Variants in LRRC37A3 observed in about 807,000 individuals in gnomAD.
LRRC37A3 encodes leucine-rich repeat-containing protein 37A3.
A neutral mutation model predicts 106.2 loss-of-function variants in LRRC37A3; 25 were observed. The observed-to-expected ratio is 0.24, with a 90% CI of 0.17 to 0.33. The LOEUF is 0.33. LRRC37A3 is among the 10% of genes least tolerant of loss of function. The pLI is 1.00. For missense variants in LRRC37A3, 712 were observed against 1,644.9 expected, an observed-to-expected ratio of 0.43 and a Z score of 9.81; for synonymous variants, 305 against 635.8, an observed-to-expected ratio of 0.48 and a Z score of 7.83.
chr17:64,855,775 C>G (rs1320367122), intron 14 of LRRC37A3, 65 bp downstream of exon 14: 207 of 1,606,308 alleles, frequency 1.3e-4, no homozygotes, highest in Non-Finnish European at 1.7e-4. Flanking sequence ...GCACTCCAGC[C>G]TGGCAACAAG....
chr17:64,915,943 C>T (rs1337095009), intron 2 of LRRC37A3, among the ~76,000 whole-genome samples: 4 of 151,890 alleles, frequency 2.6e-5, no homozygotes, highest in African/African-American at 7.3e-5. Flanking sequence ...ATTAAAAATA[C>T]AAAAATTAGC....
intron 11 of LRRC37A3, among the ~76,000 whole-genome samples, chr17:64,862,483 C>G (rs1972907782): frequency 6.6e-6 from 1 of 151,640 alleles, no homozygotes; most frequent in Non-Finnish European, 1.5e-5. Context: ...AACAGAAAGA[C>G]CAAAACCGTA....
rs1481883510 is a variant in LRRC37A3, at chr17:64,859,629, G to C, written c.4517C>G (p.Ser1506Cys). The change falls in exon 12 of 15, where the codon TCT (serine) becomes TGT (cysteine). Residue 1506 changes from serine (S) to cysteine (C), a missense_variant. Physicochemically the swap from Ser to Cys is moderately radical, Grantham distance 112 (BLOSUM62 -1). Transcript: ENST00000584306. ...HVIRTLKMDC[S>C]GAHVQVTCAK... Reference sequence around the variant, plus strand: ...ACAGGTCACTTGCACATGGGCCCCAGAGCAGTCCATCTTCAAGGTCCGGAT... The same window carrying C: ...ACAGGTCACTTGCACATGGGCCCCACAGCAGTCCATCTTCAAGGTCCGGAT... 15 of 1,613,356 alleles carry C rather than the reference G, an allele frequency of 9.3e-6. No individual in the cohort carries two copies. The highest frequency in any genetic ancestry group is 1.3e-5 in the African/African-American group (1 of 74,618).
In LRRC37A3 at chr17:64,862,898, A is replaced by G; in HGVS notation, c.3172+2T>C. 6.3e-7 allele frequency: 1 copy of G among 1,599,232 alleles called. No individual in the cohort carries two copies. The highest frequency in any genetic ancestry group is 8.5e-7 in the Non-Finnish European group (1 of 1,179,762). ...ATTTATCACCATGCAATTTGGACTC[A>G]CGACAATGTGTGGTGTTTGTCAGAC... On this transcript the variant is annotated splice_donor_variant, in intron 11 of 14. Coordinates refer to ENST00000584306, the MANE Select transcript of LRRC37A3 (RefSeq NM_199340.5). LOFTEE classifies it high-confidence loss of function.
In LRRC37A3 at chr17:64,859,680, T is replaced by C; in HGVS notation, c.4466A>G (p.Asn1489Ser). The C allele has an allele frequency of 6.2e-7, 1 of 1,613,772 alleles. No individual in the cohort carries two copies. Among genetic ancestry groups the C allele is most frequent in the Non-Finnish European group, 8.5e-7 (1 of 1,179,986 alleles). ...AACATGAGCAATGAGCCTTCTCACA[T>C]TGTTGTTGGGGATAACGGACTGCAG... ...QQLQSVIPNN[N>S]VRRLIAHVIR... The change falls in exon 12 of 15, where the codon AAT (asparagine) becomes AGT (serine). Residue 1489 changes from asparagine (N) to serine (S), a missense_variant. Coordinates refer to ENST00000584306, the MANE Select transcript of LRRC37A3 (RefSeq NM_199340.5).
intron 8 of LRRC37A3, among the ~76,000 whole-genome samples, chr17:64,876,110 TCCTC>T (rs1022973919): frequency 3.3e-5 from 5 of 152,146 alleles, no homozygotes; most frequent in African/African-American, 1.2e-4. Context: ...CCTCAAGCAA[TCCTC>T]CTTCCTTGGC....
chr17:64,872,191 C>A (rs1352212122), intron 8 of LRRC37A3, among the ~76,000 whole-genome samples: 29 of 43,512 alleles, frequency 6.7e-4, no homozygotes, highest in Admixed American at 9.5e-4. Flanking sequence ...ATAAAAGCAA[C>A]AAATACCAAA....
chr17:64,877,584 T>C (rs980446932), intron 8 of LRRC37A3, among the ~76,000 whole-genome samples: 1 of 152,208 alleles, frequency 6.6e-6, no homozygotes, highest in Non-Finnish European at 1.5e-5. Flanking sequence ...GGCATTTGGG[T>C]TGATTACATA....
At chr17:64,881,798 G>A (rs899956296) in intron 8 of LRRC37A3, among the ~76,000 whole-genome samples, 8 of 150,640 alleles carry the variant, frequency 5.3e-5, no homozygotes, top group African/African-American at 1.5e-4. Context: ...ACACAGTGCC[G>A]GTGCTCAGCC....
intron 8 of LRRC37A3, among the ~76,000 whole-genome samples, chr17:64,884,516 C>A (rs2947927): frequency 2.7e-5 from 4 of 149,152 alleles, no homozygotes; most frequent in African/African-American, 1.0e-4. Flanking sequence ...CAGTTGCCTG[C>A]CACCATGCCC....
intron 8 of LRRC37A3, among the ~76,000 whole-genome samples, chr17:64,879,834 G>A (rs1973636225): frequency 6.6e-6 from 1 of 152,020 alleles, no homozygotes; most frequent in Admixed American, 6.6e-5. Flanking sequence ...GGAGGCCAAA[G>A]CAGAAGGAGA....
intron 8 of LRRC37A3, among the ~76,000 whole-genome samples, chr17:64,870,081 A>C (rs1598402981): frequency 2.1e-5 from 3 of 140,280 alleles, no homozygotes; most frequent in South Asian, 4.5e-4. Context: ...GGCAGAGACC[A>C]CATTTTTTTT....
intron 2 of LRRC37A3, among the ~76,000 whole-genome samples, chr17:64,910,637 CTTT>C (rs926231139): frequency 7.3e-5 from 7 of 96,456 alleles, no homozygotes; most frequent in African/African-American, 1.3e-4. Flanking sequence ...ATTGTCCCCC[CTTT>C]TTTTTTTTTT....
chr17:64,864,845 C>T (rs545646424), intron 10 of LRRC37A3, among the ~76,000 whole-genome samples: 3 of 151,750 alleles, frequency 2.0e-5, no homozygotes, highest in Admixed American at 6.6e-5. Context: ...TTGTGGGGGG[C>T]CTTTTCTGAG....
chr17:64,859,714 T>C lies in LRRC37A3; in HGVS notation c.4432A>G (p.Thr1478Ala), dbSNP rs1972803729. ...SPGDQFEIQL[T>A]QQLQSVIPNN... ...GGGATAACGGACTGCAGCTGCTGGG[T>C]TAGCTGAATTTCAAACTGATCACCT... is the stretch of plus-strand genomic sequence containing the variant. Residue 1478 changes from threonine (T) to alanine (A), a missense_variant, in exon 12 of 15, where the codon ACC becomes GCC. Transcript: ENST00000584306. The C allele has an allele frequency of 1.2e-6, 2 of 1,613,412 alleles. No individual in the cohort carries two copies. The highest frequency in any genetic ancestry group is 1.7e-6 in the Non-Finnish European group (2 of 1,179,984).
chr17:64,911,063 T>C (rs1305821175), intron 2 of LRRC37A3, among the ~76,000 whole-genome samples: 1 of 152,214 alleles, frequency 6.6e-6, no homozygotes. Flanking sequence ...TATATAGATA[T>C]ATGTATCTAT....
chr17:64,856,271 C>T (rs1972676238), intron 13 of LRRC37A3, among the ~76,000 whole-genome samples: 2 of 151,986 alleles, frequency 1.3e-5, no homozygotes, highest in South Asian at 2.1e-4. Flanking sequence ...GGATGGAGTG[C>T]GGTGTCACGA....
intron 12 of LRRC37A3, among the ~76,000 whole-genome samples, 169 bp from the exon 13 acceptor site, chr17:64,859,052 A>C (rs971828809): frequency 5.9e-5 from 9 of 152,124 alleles, no homozygotes; most frequent in Non-Finnish European, 1.2e-4. Context: ...CCCTGGGCTC[A>C]GGTGATCCTC....
At chr17:64,875,946 C>T (rs1973498565) in intron 8 of LRRC37A3, among the ~76,000 whole-genome samples, 1 of 151,984 alleles carries the variant, frequency 6.6e-6, no homozygotes, top group African/African-American at 2.4e-5. Context: ...TTTTGTATAC[C>T]ATTGAAACAA....
Sources: gnomAD v4.1 joint callset for allele counts (sites outside exome capture counted in the v4.1 genomes callset) on GRCh38, gnomAD v4.1.1 for gene constraint, MANE v1.5 for transcripts, NCBI Gene and HGNC (gene_info 2026-07-23, HGNC 2026-07-21) for gene names.